Variants in ZFC3H1 observed in about 807,000 individuals in gnomAD.
The protein encoded by ZFC3H1 is zinc finger C3H1-type containing.
ZFC3H1 carries 71 observed loss-of-function variants against 243.7 expected under a neutral mutation model. The ratio of observed to expected loss-of-function variants is 0.29; its 90% CI spans 0.24 to 0.36. ZFC3H1 has a LOEUF of 0.36. Ranked by LOEUF, ZFC3H1 falls within the 10% of genes least tolerant of loss-of-function variation. The probability of loss-of-function intolerance (pLI) is 1.00; values close to 1 mark genes in which losing one functional copy is unlikely to be tolerated. For synonymous variants in ZFC3H1, 838 were observed against 813.0 expected (o/e 1.03, Z -0.52); for missense variants, 1,966 against 2,317.1 (o/e 0.85, Z 3.11).
chr12:71,632,455 T>C lies in ZFC3H1; in HGVS notation c.2877A>G (p.Ala959=). 1.9e-6 allele frequency: 3 copies of C among 1,602,100 alleles called. No individual in the cohort carries two copies. The highest frequency in any genetic ancestry group is 2.5e-6 in the Non-Finnish European group (3 of 1,178,824). The change falls in exon 15 of 35, where the codon GCA becomes GCG. Residue 959 remains alanine (A), a synonymous_variant. Transcript: ENST00000378743. ...SPVSSPRKHS[A]ELIAMEKRRL... Reference sequence around the variant, plus strand: ...GTCTTTTCTCCATAGCAATTAGTTCTGCTGAATGCTTTCTTGGACTTGATA... The same window carrying C: ...GTCTTTTCTCCATAGCAATTAGTTCCGCTGAATGCTTTCTTGGACTTGATA...
intron 22 of ZFC3H1, among the ~76,000 whole-genome samples, chr12:71,625,569 G>C (rs1880144043): frequency 6.6e-6 from 1 of 152,126 alleles, no homozygotes; most frequent in African/African-American, 2.4e-5. Flanking sequence ...GCACGCATGT[G>C]TGGCCCCAGC....
In ZFC3H1 at chr12:71,633,359, C is replaced by T; in HGVS notation, c.2590G>A (p.Ala864Thr). Residue 864 changes from alanine to threonine, a missense_variant, in exon 13 of 35, where the codon GCT (alanine) becomes ACT (threonine). Physicochemically the swap from Ala to Thr is moderately conservative, Grantham distance 58 (BLOSUM62 0). Around this residue, in one of 4 missense-constraint regions of ZFC3H1, gnomAD observed 1,383 missense variants for 1,723.7 expected, o/e 0.80. Transcript: ENST00000378743. ...GTAAGTTTTGTAATCTTTGCTTCAG[C>T]ATTTCTAACAGATTCTTTCTTCTTA... ...EAKKKESVRN[A>T]EAKITKLTEQ... The T allele has an allele frequency of 6.2e-7, 1 of 1,601,692 alleles. No individual in the cohort carries two copies. The highest frequency in any genetic ancestry group is 8.5e-7 in the Non-Finnish European group (1 of 1,173,670).
intron 20 of ZFC3H1, 124 bp from the exon 21 acceptor site, chr12:71,628,058 A>AG (rs746044047): frequency 2.1e-5 from 20 of 941,236 alleles, no homozygotes; most frequent in Non-Finnish European, 3.1e-6. Context: ...GACATGTACT[A>AG]GCTCACAGCT....
chr12:71,618,226 C>G (rs1243838635), intron 27 of ZFC3H1, among the ~76,000 whole-genome samples: 2 of 151,682 alleles, frequency 1.3e-5, no homozygotes, highest in Non-Finnish European at 2.9e-5. Flanking sequence ...GATCGCACCA[C>G]TGCACCCCAG....
At chr12:71,642,319 A>G in intron 6 of ZFC3H1, 117 bp downstream of exon 6, 2 of 1,150,292 alleles carry the variant, frequency 1.7e-6, no homozygotes, top group East Asian at 2.5e-5. Context: ...ATCGCCATAC[A>G]GTTCATCAGC....
chr12:71,644,772 C>G, intron 4 of ZFC3H1, 105 bp downstream of exon 4: 1 of 1,307,140 alleles, frequency 7.7e-7, no homozygotes, highest in Middle Eastern at 2.7e-4. Context: ...AAGCAAAGAT[C>G]ATGCCACTGT....
chr12:71,658,672 A>G (rs1269638189), intron 1 of ZFC3H1, among the ~76,000 whole-genome samples: 1 of 152,194 alleles, frequency 6.6e-6, no homozygotes, highest in Non-Finnish European at 1.5e-5. Flanking sequence ...CAGGGCAAGC[A>G]GCAGAAAAGG....
chr12:71,613,524 C>A (rs1565800886), intron 30 of ZFC3H1, 89 bp from the exon 31 acceptor site: 1 of 767,036 alleles, frequency 1.3e-6, no homozygotes, highest in Non-Finnish European at 2.1e-6. Context: ...CCAAAATGGT[C>A]TTTAAGATAT....
intron 7 of ZFC3H1, among the ~76,000 whole-genome samples, chr12:71,638,038 GA>G (rs1880508493): frequency 6.6e-6 from 1 of 151,996 alleles, no homozygotes; most frequent in Admixed American, 6.6e-5. Flanking sequence ...GAAAAGAGGA[GA>G]AAGGAGAGTA....
intron 27 of ZFC3H1, among the ~76,000 whole-genome samples, chr12:71,616,133 C>T (rs1879889567): frequency 6.6e-6 from 1 of 151,888 alleles, no homozygotes; most frequent in Admixed American, 6.6e-5. Flanking sequence ...AAGATCTCTA[C>T]AAAAAAATAC....
Position 71,657,056 on chromosome 12 carries a change from T to A in ZFC3H1, c.844A>T (p.Ser282Cys), listed in dbSNP as rs1881038925. The change falls in exon 2 of 35, where the codon AGT becomes TGT. Residue 282 changes from serine to cysteine, a missense_variant. By Grantham distance (112) the Ser-to-Cys change is moderately radical. This residue lies in a region of ZFC3H1 where 484 missense variants were observed against 449.7 expected (regional missense o/e 1.08). Coordinates refer to ENST00000378743, the MANE Select transcript of ZFC3H1 (RefSeq NM_144982.5). ...TTCTCCTCAGGAGCTACTTCTTTAC[T>A]TGAATCCTTTGTAATACTGACATTA... Reference protein sequence around the residue: ...TDNVSITKDSSKEVAPEEKTQ... With the variant: ...TDNVSITKDSCKEVAPEEKTQ... 6.2e-7 allele frequency: 1 copy of A among 1,613,834 alleles called. No homozygotes were observed. The highest frequency in any genetic ancestry group is 1.7e-5 in the Admixed American group (1 of 60,002).
chr12:71,634,695 T>C lies in ZFC3H1; in HGVS notation c.2360+9A>G, dbSNP rs768972190. ...ACTTTTAATGTTAATTACATAAAAT[T>C]ACACTTACTTGGCAATCTCTTCCTT... On this transcript the variant is annotated intron_variant, in intron 11 of 34. Transcript: ENST00000378743. 4.6e-5 allele frequency: 72 copies of C among 1,578,152 alleles called. No individual in the cohort carries two copies. In the Middle Eastern group the frequency reaches 6.8e-4, roughly 15 times the overall value.
At position 71,628,966 on chromosome 12, in the gene ZFC3H1, T is replaced by C. The variant is rs767296120; in HGVS notation, c.3898A>G (p.Asn1300Asp). 2 of 1,613,232 alleles carry C rather than the reference T, an allele frequency of 1.2e-6. No homozygotes were observed. The highest frequency in any genetic ancestry group is 1.7e-6 in the Non-Finnish European group (2 of 1,179,758). Reference protein sequence around the residue: ...PKFWRKPISDNSFSSDEEQST... With the variant: ...PKFWRKPISDDSFSSDEEQST... The stretch of plus-strand genomic sequence containing the variant: ...TGTTCCTCATCACTACTGAAGCTAT[T>C]ATCTGAAATAGGTTTTCTCCAAAAC... Residue 1300 changes from asparagine to aspartate, a missense_variant, in exon 20 of 35, where the codon AAT becomes GAT. This residue lies in a region of ZFC3H1 where 1,383 missense variants were observed against 1,723.7 expected (regional missense o/e 0.80). Transcript: ENST00000378743.
At chr12:71,635,079 GA>G (rs1880427072) in intron 10 of ZFC3H1, among the ~76,000 whole-genome samples, 1 of 151,982 alleles carries the variant, frequency 6.6e-6, no homozygotes, top group Admixed American at 6.6e-5. Context: ...CTGAAATAGG[GA>G]AAAAACGATA....
intron 14 of ZFC3H1, 34 bp from the exon 15 acceptor site, chr12:71,632,548 C>A: frequency 6.6e-7 from 1 of 1,515,322 alleles, no homozygotes; most frequent in Non-Finnish European, 8.7e-7. Flanking sequence ...TATTTTACAT[C>A]ACTGTGATTT....
intron 28 of ZFC3H1, 122 bp downstream of exon 28, chr12:71,615,084 T>A: frequency 9.1e-7 from 1 of 1,094,154 alleles, no homozygotes; most frequent in Non-Finnish European, 1.3e-6. Flanking sequence ...AACCTTAGCA[T>A]CTCTTCAATT....
intron 2 of ZFC3H1, among the ~76,000 whole-genome samples, chr12:71,652,121 C>T (rs1366277613): frequency 2.0e-5 from 3 of 152,108 alleles, no homozygotes; most frequent in African/African-American, 7.2e-5. Flanking sequence ...GGAAAAAAGG[C>T]TCACCAATAA....
chr12:71,644,889 CT>C lies in ZFC3H1; in HGVS notation c.1266del (p.Val423LeufsTer9). 1 of 1,611,260 alleles carries C rather than the reference CT, an allele frequency of 6.2e-7. No individual in the cohort carries two copies. Among genetic ancestry groups the C allele is most frequent in the Non-Finnish European group, 8.5e-7 (1 of 1,179,788 alleles). On this transcript the variant is annotated frameshift_variant, in exon 4 of 35. Coordinates refer to ENST00000378743, the MANE Select transcript of ZFC3H1 (RefSeq NM_144982.5). LOFTEE classifies it high-confidence loss of function. ...TAAAAATGATCACCTGTAGTGCTAA[CT>C]TTTTTGGCCGAATGTGTTTTTGTAC... Reference protein sequence around the residue: ...KTSTKTHSAKKVSTTAKQALR... With the variant: ...KTSTKTHSAKXVSTTAKQALR...
intron 2 of ZFC3H1, among the ~76,000 whole-genome samples, chr12:71,648,336 A>G (rs944068946): frequency 6.6e-6 from 1 of 152,216 alleles, no homozygotes; most frequent in South Asian, 2.1e-4. Context: ...TTTTTTCCAG[A>G]TATCTAGCCT....
Sources: allele counts gnomAD v4.1 joint callset (sites outside exome capture counted in the v4.1 genomes callset), GRCh38; gene constraint gnomAD v4.1.1; regional missense constraint gnomAD v4.1.1; transcripts MANE v1.5; gene names NCBI Gene and HGNC (gene_info 2026-07-23, HGNC 2026-07-21).